RHEB: variants seen among roughly 807,000 people sequenced by gnomAD.
RHEB encodes the protein GTP-binding protein Rheb.
Under a neutral mutation model 28.8 loss-of-function variants are expected in RHEB, and 2 were observed. That is an observed-to-expected ratio of 0.07 (90% CI 0.03 to 0.22). The LOEUF (loss-of-function observed/expected upper bound fraction) is 0.22. Ranked by LOEUF, RHEB falls within the 10% of genes least tolerant of loss-of-function variation. RHEB has a pLI of 1.00. For synonymous variants in RHEB, 69 were observed against 77.3 expected (o/e 0.89, Z 0.56); for missense variants, 76 against 219.9 (o/e 0.35, Z 4.14).
intron 1 of RHEB, among the ~76,000 whole-genome samples, chr7:151,506,360 T>G (rs1333276200): frequency 6.6e-6 from 1 of 152,076 alleles, no homozygotes; most frequent in African/African-American, 2.4e-5. Context: ...CATTTACTAC[T>G]TTTTACTAAA....
Position 151,487,245 on chromosome 7 carries a change from G to A in RHEB, c.125-2441C>T, listed in dbSNP as rs542640507. On this transcript the variant is annotated intron_variant, in intron 2 of 7. Transcript: ENST00000262187. Reference sequence around the variant, plus strand: ...AAGCCCAGGTATTCAAGGTTACAGTGAGCTATGATCATGCCACTGCACTCC... The same window carrying A: ...AAGCCCAGGTATTCAAGGTTACAGTAAGCTATGATCATGCCACTGCACTCC... Among the ~76,000 whole-genome samples the A allele has an allele frequency of 4.6e-5, 7 of 152,324 alleles. No individual in the cohort carries two copies. The East Asian group carries it at 1.4e-3, about 29-fold the overall frequency.
At chr7:151,478,001 T>C (rs1344630125) in intron 3 of RHEB, among the ~76,000 whole-genome samples, 1 of 152,070 alleles carries the variant, frequency 6.6e-6, no homozygotes, top group Non-Finnish European at 1.5e-5. Flanking sequence ...AATTGAGGTA[T>C]TCAGACTTTT....
At chr7:151,475,463 A>C (rs1237528609) in intron 4 of RHEB, among the ~76,000 whole-genome samples, 2 of 152,254 alleles carry the variant, frequency 1.3e-5, no homozygotes, top group Non-Finnish European at 2.9e-5. Flanking sequence ...GAAATTCATA[A>C]ACAAACATGA....
In RHEB at chr7:151,495,063, T is replaced by C. The variant is rs1019713824; in HGVS notation, c.53-4049A>G. On this transcript the variant is annotated intron_variant, in intron 1 of 7. Coordinates refer to ENST00000262187, the MANE Select transcript of RHEB (RefSeq NM_005614.4). ...GTTTGTTTGCAACCACAAAAAGGCA[T>C]TGGTGATCTCTACTGTGATCACCTT... is the stretch of plus-strand genomic sequence containing the variant. Among the ~76,000 whole-genome samples the C allele has an allele frequency of 7.9e-5, 12 of 152,258 alleles. No individual in the cohort carries two copies. The East Asian group carries it at 9.6e-4, about 12-fold the overall frequency.
intron 1 of RHEB, among the ~76,000 whole-genome samples, chr7:151,505,734 T>C (rs1802861249): frequency 6.6e-6 from 1 of 152,218 alleles, no homozygotes; most frequent in Non-Finnish European, 1.5e-5. Flanking sequence ...AATAGTTAAA[T>C]ACTGGGATAA....
At position 151,469,845 on chromosome 7, in the gene RHEB, G is replaced by T. The variant is rs540663381; in HGVS notation, c.462+726C>A. On this transcript the variant is annotated intron_variant, in intron 7 of 7. Transcript: ENST00000262187. ...TGACTGCATTCAGGACCAGGCGAAG[G>T]GTTCTATAGAGAAGGGGCAGTTCAC... 2.1e-3 allele frequency among the ~76,000 whole-genome samples: 325 copies of T among 152,258 alleles called. 4 individuals are homozygous for T. The highest frequency in any genetic ancestry group is 7.6e-3 in the African/African-American group (314 of 41,536).
chr7:151,519,389 C>A, intron 1 of RHEB, 71 bp downstream of exon 1: 2 of 1,177,388 alleles, frequency 1.7e-6, no homozygotes, highest in Non-Finnish European at 2.2e-6. Context: ...ACTTCGCAGG[C>A]CCGGCCGCGA....
intron 1 of RHEB, among the ~76,000 whole-genome samples, chr7:151,494,384 G>A (rs1427916495): frequency 6.6e-6 from 1 of 152,202 alleles, no homozygotes; most frequent in Non-Finnish European, 1.5e-5. Context: ...AATTCAGGAA[G>A]CCACATTTGA....
intron 1 of RHEB, among the ~76,000 whole-genome samples, chr7:151,505,908 G>C (rs1022642137): frequency 3.3e-5 from 5 of 151,970 alleles, no homozygotes; most frequent in Non-Finnish European, 5.9e-5. Context: ...TGTATGATTC[G>C]ATGTATGTGA....
chr7:151,496,574 A>G (rs1802676655), intron 1 of RHEB, among the ~76,000 whole-genome samples: 1 of 152,154 alleles, frequency 6.6e-6, no homozygotes, highest in Admixed American at 6.5e-5. Flanking sequence ...GTCACAATGT[A>G]AAATGTGTTT....
At chr7:151,479,682 CAAA>C (rs10690355) in intron 3 of RHEB, among the ~76,000 whole-genome samples, 2 of 113,258 alleles carry the variant, frequency 1.8e-5, no homozygotes, top group African/African-American at 3.4e-5. Context: ...GACTCCGTCT[CAAA>C]AAAAAAAAAA....
In RHEB at chr7:151,472,358, C is replaced by T. The variant is rs1410935007; in HGVS notation, c.276-753G>A. 6.6e-6 allele frequency among the ~76,000 whole-genome samples: 1 copy of T among 152,198 alleles called. No individual in the cohort carries two copies. Among genetic ancestry groups the T allele is most frequent in the African/African-American group, 2.4e-5 (1 of 41,448 alleles). On this transcript the variant is annotated intron_variant, in intron 4 of 7. Coordinates refer to ENST00000262187, the MANE Select transcript of RHEB (RefSeq NM_005614.4). This position sits in a 1 kb window ranked among gnomAD's most constrained non-coding sequence, Gnocchi z 5.2. ...CCCCAACCCTTCCCCGCCACCCCTGCTCAGCACAGCAACCAGAGGACTCTG... is the reference window on the plus strand; with the variant it reads ...CCCCAACCCTTCCCCGCCACCCCTGTTCAGCACAGCAACCAGAGGACTCTG...
At chr7:151,491,344 AT>A (rs1802577348) in intron 1 of RHEB, among the ~76,000 whole-genome samples, 1 of 152,208 alleles carries the variant, frequency 6.6e-6, no homozygotes, top group African/African-American at 2.4e-5. Flanking sequence ...TATTCTTGGA[AT>A]CTTGCTATTT....
intron 3 of RHEB, among the ~76,000 whole-genome samples, chr7:151,479,078 T>A (rs1042355675): frequency 2.6e-5 from 4 of 152,148 alleles, no homozygotes; most frequent in African/African-American, 9.7e-5. Context: ...GGAGGGCAGC[T>A]GAGTAGAAAT....
intron 1 of RHEB, among the ~76,000 whole-genome samples, chr7:151,505,555 G>C (rs996781673): frequency 2.0e-5 from 3 of 152,120 alleles, no homozygotes; most frequent in Non-Finnish European, 4.4e-5. Flanking sequence ...TGCTAGTGGA[G>C]GCATAAAATG....
chr7:151,511,032 C>T (rs1277096823), intron 1 of RHEB, among the ~76,000 whole-genome samples: 2 of 151,696 alleles, frequency 1.3e-5, no homozygotes, highest in Admixed American at 6.6e-5. Context: ...GTGCCGAGAT[C>T]GCGACATTGC....
intron 2 of RHEB, among the ~76,000 whole-genome samples, chr7:151,489,030 TC>T (rs1184685647): frequency 1.3e-5 from 2 of 152,080 alleles, no homozygotes; most frequent in Non-Finnish European, 2.9e-5. Flanking sequence ...AGCCTCAAAC[TC>T]CTGGGTTCAA....
chr7:151,517,543 A>G (rs1803103739), intron 1 of RHEB, among the ~76,000 whole-genome samples: 1 of 152,076 alleles, frequency 6.6e-6, no homozygotes, highest in South Asian at 2.1e-4. Context: ...CCCACCGGAG[A>G]CTAAGTTAGC....
At chr7:151,511,595 A>G (rs1473349444) in intron 1 of RHEB, among the ~76,000 whole-genome samples, 1 of 152,078 alleles carries the variant, frequency 6.6e-6, no homozygotes, top group Non-Finnish European at 1.5e-5. Flanking sequence ...AATAACCAGA[A>G]GCCCAACATA....
Sources: gnomAD v4.1 joint callset for allele counts (sites outside exome capture counted in the v4.1 genomes callset) on GRCh38, gnomAD v4.1.1 for gene constraint, Gnocchi (gnomAD v3.1) non-coding constraint, MANE v1.5 for transcripts, NCBI Gene and HGNC (gene_info 2026-07-23, HGNC 2026-07-21) for gene names.